Variants in PIGK observed in about 807,000 individuals in gnomAD.
PIGK encodes the protein phosphatidylinositol glycan anchor biosynthesis class K.
In PIGK, 42 loss-of-function variants were observed where a neutral mutation model predicts 50.6. The observed-to-expected ratio is 0.83, with a 90% confidence interval of 0.65 to 1.07. The LOEUF (loss-of-function observed/expected upper bound fraction) is 1.07, where lower values mean the gene tolerates loss of function less well. PIGK is among the 50% of genes least tolerant of loss of function. PIGK has a pLI of 0.00. For missense variants in PIGK, 448 were observed against 488.7 expected (o/e 0.92, Z 0.78); for synonymous variants, 151 against 156.0 (o/e 0.97, Z 0.24).
chr1:77,174,394 T>C (rs1212486101), intron 3 of PIGK, among the ~76,000 whole-genome samples: 1 of 152,180 alleles, frequency 6.6e-6, no homozygotes, highest in Admixed American at 6.5e-5. Context: ...TCTGTTTTCC[T>C]CAAGAAACCT....
intron 9 of PIGK, among the ~76,000 whole-genome samples, chr1:77,134,989 C>T (rs1218958650): frequency 6.6e-6 from 1 of 152,016 alleles, no homozygotes; most frequent in African/African-American, 2.4e-5. Context: ...AAAAATGCTC[C>T]TCAAGATTCC....
intron 10 of PIGK, among the ~76,000 whole-genome samples, chr1:77,098,524 T>G (rs192192108): frequency 6.6e-5 from 10 of 151,996 alleles, no homozygotes; most frequent in Non-Finnish European, 1.3e-4. Flanking sequence ...TTGGCAGAGA[T>G]AGGGTTTTGC....
intron 9 of PIGK, among the ~76,000 whole-genome samples, chr1:77,127,956 TAATTGATAA>T (rs1003940428): frequency 1.3e-5 from 2 of 152,174 alleles, no homozygotes; most frequent in Non-Finnish European, 2.9e-5. Flanking sequence ...GTACAAGATA[TAATTGATAA>T]ACCTGAAAAT....
intron 10 of PIGK, among the ~76,000 whole-genome samples, chr1:77,098,861 ATT>A (rs528854517): frequency 6.6e-6 from 1 of 152,052 alleles, no homozygotes; most frequent in East Asian, 1.9e-4. Context: ...GAAAAAAATC[ATT>A]TTTCTTCATC....
At chr1:77,154,385 T>A in intron 9 of PIGK, 64 bp downstream of exon 9, 1 of 1,294,118 alleles carries the variant, frequency 7.7e-7, no homozygotes, top group Non-Finnish European at 1.1e-6. Context: ...TAATACAATG[T>A]TTCAAAAAAA....
intron 9 of PIGK, among the ~76,000 whole-genome samples, chr1:77,145,844 G>A (rs1654755706): frequency 6.6e-6 from 1 of 151,956 alleles, no homozygotes; most frequent in Non-Finnish European, 1.5e-5. Flanking sequence ...TATAAAGATA[G>A]AAATATTACA....
chr1:77,203,940 T>A (rs1656226926), intron 3 of PIGK, among the ~76,000 whole-genome samples: 1 of 152,176 alleles, frequency 6.6e-6, no homozygotes, highest in Non-Finnish European at 1.5e-5. Context: ...CTGAGATGAT[T>A]GTGCTATCTG....
intron 3 of PIGK, among the ~76,000 whole-genome samples, chr1:77,177,384 C>T (rs1458742906): frequency 6.6e-6 from 1 of 152,242 alleles, no homozygotes; most frequent in East Asian, 1.9e-4. Context: ...CAGGCCCACC[C>T]AGGGCAGAAA....
intron 9 of PIGK, chr1:77,129,360 T>C: frequency 1.3e-6 from 2 of 1,578,056 alleles, no homozygotes; most frequent in South Asian, 1.1e-5. Flanking sequence ...ACAAGGTCGG[T>C]GGCCCAAAAA....
At position 77,117,870 on chromosome 1, in the gene PIGK, TAAACA is replaced by T. The variant is rs1402610075; in HGVS notation, c.1071+4400_1071+4404del. 1.7e-3 allele frequency among the ~76,000 whole-genome samples: 260 copies of T among 152,338 alleles called. 2 individuals carry two copies. The highest frequency in any genetic ancestry group is 3.4e-3 in the Middle Eastern group (1 of 294). ...CAACCTGTCATGCTTAACTAATTTA[TAAACA>T]TACTTGCAAATGTTGGTACCAATTA... On this transcript the variant is annotated intron_variant, in intron 10 of 10. Coordinates refer to ENST00000370812, the MANE Select transcript of PIGK (RefSeq NM_005482.3).
chr1:77,151,148 A>C (rs1322762045), intron 9 of PIGK, among the ~76,000 whole-genome samples: 1 of 152,196 alleles, frequency 6.6e-6, no homozygotes, highest in Non-Finnish European at 1.5e-5. Context: ...AGACCATTCC[A>C]TCATGATCAA....
At chr1:77,187,562 T>C (rs191701892) in intron 3 of PIGK, among the ~76,000 whole-genome samples, 38 of 152,298 alleles carry the variant, frequency 2.5e-4, no homozygotes, top group African/African-American at 9.1e-4. Flanking sequence ...AGTTACAGTG[T>C]CAGTTACAGT....
intron 10 of PIGK, among the ~76,000 whole-genome samples, chr1:77,110,584 C>G (rs1374590533): frequency 1.6e-4 from 24 of 152,124 alleles, no homozygotes; most frequent in Non-Finnish European, 2.4e-4. Context: ...TGGATCCCTT[C>G]CTTACACCTT....
intron 1 of PIGK, among the ~76,000 whole-genome samples, chr1:77,214,251 C>A (rs547822807): frequency 3.9e-5 from 6 of 152,144 alleles, no homozygotes; most frequent in Admixed American, 2.6e-4. Flanking sequence ...CAGGCCAATA[C>A]CCGTGATGAA....
chr1:77,201,542 T>C (rs559299281), intron 3 of PIGK, among the ~76,000 whole-genome samples: 110 of 152,198 alleles, frequency 7.2e-4, no homozygotes, highest in African/African-American at 2.5e-3. Flanking sequence ...GGTGGATCAC[T>C]TGAGGCCAGG....
chr1:77,092,394 G>GC lies in PIGK; in HGVS notation c.1167dup (p.His390AlafsTer23), dbSNP rs1653320782. The GC allele has an allele frequency of 3.2e-6, 5 of 1,572,584 alleles. No individual in the cohort carries two copies. The highest frequency in any genetic ancestry group is 4.4e-6 in the Non-Finnish European group (5 of 1,145,946). ...CAAGTCTAAAAAATGAACTTCATAT[G>GC]CTTAATTCCATAAGTTTTGAAGAAA... On this transcript the variant is annotated frameshift_variant, in exon 11 of 11. Coordinates refer to ENST00000370812, the MANE Select transcript of PIGK (RefSeq NM_005482.3). LOFTEE classifies it high-confidence loss of function.
At chr1:77,180,668 A>G (rs1035213242) in intron 3 of PIGK, among the ~76,000 whole-genome samples, 1 of 115,904 alleles carries the variant, frequency 8.6e-6, no homozygotes, top group Non-Finnish European at 1.6e-5. Flanking sequence ...TAAGATCAAC[A>G]TTGGTTCCGT....
chr1:77,154,091 T>G, intron 9 of PIGK: 1 of 315,050 alleles, frequency 3.2e-6, no homozygotes, highest in South Asian at 7.2e-5. Context: ...CAGTACCTGG[T>G]TTACACTTCT....
At chr1:77,170,612 A>G (rs1483463278) in intron 3 of PIGK, among the ~76,000 whole-genome samples, 1 of 152,234 alleles carries the variant, frequency 6.6e-6, no homozygotes, top group Non-Finnish European at 1.5e-5. Context: ...CTAGGGCCTG[A>G]CATACAGTAT....
Sources: allele counts gnomAD v4.1 joint callset (sites outside exome capture counted in the v4.1 genomes callset), GRCh38; gene constraint gnomAD v4.1.1; transcripts MANE v1.5; gene names NCBI Gene and HGNC (gene_info 2026-07-23, HGNC 2026-07-21).